RORA: variants seen among roughly 807,000 people sequenced by gnomAD.
The protein encoded by RORA is RAR related orphan receptor A.
RORA carries 7 observed loss-of-function variants against 69.5 expected under a neutral mutation model. The observed-to-expected ratio is 0.10, with a 90% CI of 0.06 to 0.19. RORA has a LOEUF of 0.19. RORA is among the 10% of genes least tolerant of loss of function. The pLI is 1.00. For synonymous variants in RORA, 261 were observed against 240.8 expected (o/e 1.08, Z -0.78); for missense variants, 457 against 663.0 (o/e 0.69, Z 3.41).
chr15:61,172,779 AC>A (rs2079596874), intron 1 of RORA, among the ~76,000 whole-genome samples: 1 of 152,272 alleles, frequency 6.6e-6, no homozygotes, highest in East Asian at 1.9e-4. Context: ...GGTAAATCAC[AC>A]TTCAGAGGCA....
chr15:60,925,865 T>C (rs1892203362), intron 1 of RORA, among the ~76,000 whole-genome samples: 2 of 152,134 alleles, frequency 1.3e-5, no homozygotes, highest in African/African-American at 4.8e-5. Flanking sequence ...AAGGAATGGG[T>C]GATGAATAAA....
chr15:60,546,448 C>CTCTTTTCCT (rs2140372836), intron 2 of RORA: 1 of 152,310 alleles, frequency 6.6e-6, no homozygotes, highest in Non-Finnish European at 1.5e-5. Flanking sequence ...TCCAGTGTGG[C>CTCTTTTCCT]TCTTTTCCTC....
At chr15:60,882,175 C>T (rs1179090927) in intron 1 of RORA, among the ~76,000 whole-genome samples, 2 of 152,162 alleles carry the variant, frequency 1.3e-5, no homozygotes, top group African/African-American at 2.4e-5. Flanking sequence ...TGTTTCGTTG[C>T]AACCACTAAA....
intron 1 of RORA, among the ~76,000 whole-genome samples, chr15:60,841,862 T>C (rs1248070209): frequency 6.6e-6 from 1 of 152,220 alleles, no homozygotes; most frequent in African/African-American, 2.4e-5. Flanking sequence ...GCCTCAAACC[T>C]TTTTGAGAAA....
chr15:60,532,781 C>T (rs547834869), intron 2 of RORA, among the ~76,000 whole-genome samples: 6 of 152,258 alleles, frequency 3.9e-5, no homozygotes, highest in Admixed American at 3.9e-4. Flanking sequence ...AGGATGGGAA[C>T]AGTCACCAGT....
At chr15:60,907,162 C>A (rs1891568711) in intron 1 of RORA, among the ~76,000 whole-genome samples, 1 of 152,194 alleles carries the variant, frequency 6.6e-6, no homozygotes, top group Non-Finnish European at 1.5e-5. Flanking sequence ...TCAACATCAT[C>A]TGCCTTTCAT....
At chr15:61,088,952 G>A (rs1178797630) in intron 1 of RORA, among the ~76,000 whole-genome samples, 3 of 152,124 alleles carry the variant, frequency 2.0e-5, no homozygotes, top group Admixed American at 6.5e-5. Context: ...TCACAAATAC[G>A]ATTGACACTG....
chr15:60,898,517 A>AAATG (rs1283841709), intron 1 of RORA, among the ~76,000 whole-genome samples: 4 of 147,468 alleles, frequency 2.7e-5, no homozygotes, highest in African/African-American at 5.0e-5. Context: ...ATAAATAAAT[A>AAATG]AATAAATAAA....
At chr15:61,119,415 T>A (rs8031110) in intron 1 of RORA, among the ~76,000 whole-genome samples, 94,265 of 144,916 alleles carry the variant, frequency 0.65, 30,191 homozygotes, top group South Asian at 0.74. Context: ...ATACACACAC[T>A]ATATATATAT....
chr15:60,738,995 C>T (rs1016653304), intron 1 of RORA, among the ~76,000 whole-genome samples: 9 of 152,240 alleles, frequency 5.9e-5, no homozygotes, highest in Non-Finnish European at 1.2e-4. Context: ...ATTAGGGGCC[C>T]ACCCTACTCC....
chr15:60,654,202 G>A (rs1313578399), intron 2 of RORA, among the ~76,000 whole-genome samples: 8 of 152,208 alleles, frequency 5.3e-5, no homozygotes, highest in Non-Finnish European at 1.2e-4. Context: ...TTCTCATCCT[G>A]AGACAGGGGT....
chr15:60,637,536 C>T (rs1028353247), intron 2 of RORA, among the ~76,000 whole-genome samples: 1 of 151,990 alleles, frequency 6.6e-6, no homozygotes, highest in African/African-American at 2.4e-5. Flanking sequence ...TGCAGAAATA[C>T]ATTCTCGTTA....
At chr15:60,581,693 C>T (rs1305821638) in intron 2 of RORA, among the ~76,000 whole-genome samples, 2 of 152,182 alleles carry the variant, frequency 1.3e-5, no homozygotes, top group Admixed American at 1.3e-4. Flanking sequence ...TGGGAAATTC[C>T]ACACAAGGAA....
rs528782613 is a variant in RORA at position 61,186,975 on chromosome 15, T to C, written c.166+42078A>G. 1.4e-4 allele frequency among the ~76,000 whole-genome samples: 22 copies of C among 152,354 alleles called. No homozygotes were observed. The South Asian group carries it at 2.1e-3, about 14-fold the overall frequency. ...AATCTTGGAGGCAGCTGAGAGGTGATTGTATCTGGAGAGCACACGGACTAC... is the reference window on the plus strand; with the variant it reads ...AATCTTGGAGGCAGCTGAGAGGTGACTGTATCTGGAGAGCACACGGACTAC... On this transcript the variant is annotated intron_variant, in intron 1 of 10. Transcript: ENST00000335670.
intron 1 of RORA, among the ~76,000 whole-genome samples, chr15:60,855,043 C>G (rs2073364839): frequency 6.6e-6 from 1 of 152,226 alleles, no homozygotes; most frequent in African/African-American, 2.4e-5. Context: ...CTGACAGGCT[C>G]AGAGGCTGGG....
chr15:60,963,629 T>G (rs995178003), intron 1 of RORA, among the ~76,000 whole-genome samples: 3 of 152,244 alleles, frequency 2.0e-5, no homozygotes, highest in African/African-American at 7.2e-5. Context: ...TGCACCTGAC[T>G]GCTGAAGGCA....
chr15:60,943,305 A>T (rs370207976), intron 1 of RORA, among the ~76,000 whole-genome samples: 2 of 139,246 alleles, frequency 1.4e-5, no homozygotes, highest in East Asian at 4.3e-4. Context: ...TGTCTTTCTT[A>T]ATTTTTTTTT....
At chr15:60,982,095 C>T (rs542306113) in intron 1 of RORA, among the ~76,000 whole-genome samples, 1 of 152,328 alleles carries the variant, frequency 6.6e-6, no homozygotes, top group Admixed American at 6.5e-5. Context: ...ATAGAAATAT[C>T]CTTCAACACT....
intron 1 of RORA, among the ~76,000 whole-genome samples, chr15:60,803,281 G>A (rs1451149510): frequency 6.6e-6 from 1 of 152,112 alleles, no homozygotes; most frequent in African/African-American, 2.4e-5. Context: ...CGGCCCCTTC[G>A]GACCAGCTGG....
Sources: gnomAD v4.1 joint callset for allele counts (sites outside exome capture counted in the v4.1 genomes callset) on GRCh38, gnomAD v4.1.1 for gene constraint, MANE v1.5 for transcripts, NCBI Gene and HGNC (gene_info 2026-07-23, HGNC 2026-07-21) for gene names.